PSTPIP1: variants seen among roughly 807,000 people sequenced by gnomAD.
The protein encoded by PSTPIP1 is proline-serine-threonine phosphatase-interacting protein 1.
Under a neutral mutation model 69.6 loss-of-function variants are expected in PSTPIP1, and 66 were observed. The ratio of observed to expected loss-of-function variants is 0.95; its 90% CI spans 0.78 to 1.16. The LOEUF (loss-of-function observed/expected upper bound fraction) is 1.16, where lower values mean the gene tolerates loss of function less well. Ranked by LOEUF, PSTPIP1 falls within the 50% of genes most tolerant of loss-of-function variation. The pLI is 0.00. For synonymous variants in PSTPIP1, 266 were observed against 222.7 expected, an observed-to-expected ratio of 1.19 and a Z score of -1.73; for missense variants, 603 against 557.4, an observed-to-expected ratio of 1.08 and a Z score of -0.82.
At chr15:77,016,143 CG>C (rs2076048111) in intron 1 of PSTPIP1, 1 of 440,638 alleles carries the variant, frequency 2.3e-6, no homozygotes, top group Non-Finnish European at 4.6e-6. Context: ...CCTGAGAGTC[CG>C]GATTCTTGTC....
intron 3 of PSTPIP1, among the ~76,000 whole-genome samples, chr15:77,022,012 G>A (rs2076170664): frequency 6.6e-6 from 1 of 152,258 alleles, no homozygotes. Flanking sequence ...TAGCCCCTCT[G>A]TGGTTACCAG....
At position 77,018,104 on chromosome 15, in the gene PSTPIP1, C is replaced by T. The variant is rs78947529; in HGVS notation, c.37-44C>T. ...GTCCCCACAGGGCTGTGCTCAGTGT[C>T]GCCTGGTCGTGGCCCTCATGTGTCC... On this transcript the variant is annotated intron_variant, in intron 1 of 14. Transcript: ENST00000558012. 1.4e-3 allele frequency: 2,225 copies of T among 1,537,818 alleles called. 53 individuals carry two copies. The East Asian group carries it at 0.046, about 32-fold the overall frequency.
chr15:77,009,413 C>T (rs572620087), intron 1 of PSTPIP1, among the ~76,000 whole-genome samples: 7 of 152,314 alleles, frequency 4.6e-5, no homozygotes, highest in East Asian at 3.9e-4. Context: ...AAATCACAGC[C>T]GCAAAGCAGG....
At chr15:77,033,868 G>A (rs370127747) in intron 12 of PSTPIP1, among the ~76,000 whole-genome samples, 1 of 152,152 alleles carries the variant, frequency 6.6e-6, no homozygotes, top group African/African-American at 2.4e-5. Flanking sequence ...GTGACCCCAG[G>A]AGGCAGCACA....
chr15:76,999,134 A>T (rs2075643771), intron 1 of PSTPIP1, among the ~76,000 whole-genome samples: 1 of 152,158 alleles, frequency 6.6e-6, no homozygotes, highest in African/African-American at 2.4e-5. Context: ...AGGTGGCCAA[A>T]TTATTGCAAG....
At chr15:77,034,053 G>GA (rs1568523854) in intron 12 of PSTPIP1, among the ~76,000 whole-genome samples, 2 of 152,186 alleles carry the variant, frequency 1.3e-5, no homozygotes, top group African/African-American at 4.8e-5. Context: ...GAGAGAGAGA[G>GA]ATGTCCTGCA....
intron 9 of PSTPIP1, 48 bp downstream of exon 9, chr15:77,030,629 G>T: frequency 6.5e-7 from 1 of 1,540,320 alleles, no homozygotes; most frequent in Non-Finnish European, 8.8e-7. Flanking sequence ...GGAAGTGTGA[G>T]ACGCCCATCC....
intron 9 of PSTPIP1, among the ~76,000 whole-genome samples, chr15:77,030,890 A>G (rs1226209083): frequency 6.6e-6 from 1 of 152,226 alleles, no homozygotes; most frequent in East Asian, 1.9e-4. Flanking sequence ...CCTGGGGAAC[A>G]GGGCTCAGGA....
In PSTPIP1 at chr15:77,016,127, A is replaced by G. The variant is rs1489499097; in HGVS notation, c.37-2021A>G. The G allele has an allele frequency of 6.7e-6, 3 of 446,426 alleles. No homozygotes were observed. The East Asian group carries it at 2.1e-4, about 31-fold the overall frequency. The allele number at this position is 446,426 out of a possible 1,614,324, so 27.7% of individuals were successfully genotyped here. On this transcript the variant is annotated intron_variant, in intron 1 of 14. Coordinates refer to ENST00000558012, the MANE Select transcript of PSTPIP1 (RefSeq NM_003978.5). The stretch of plus-strand genomic sequence containing the variant: ...TCCAGAGGTATCAGGAAGGAATGAC[A>G]GGTCCCCTGAGAGTCCGGATTCTTG...
chr15:77,029,659 C>CA, intron 8 of PSTPIP1, 85 bp downstream of exon 8: 1 of 1,398,516 alleles, frequency 7.2e-7, no homozygotes, highest in East Asian at 2.5e-5. Flanking sequence ...TGGGGACACA[C>CA]ACACTCCCCC....
chr15:77,027,696 G>T lies in PSTPIP1; in HGVS notation c.355-156G>T, dbSNP rs1404647986. 1.2e-6 allele frequency: 1 copy of T among 820,094 alleles called. No individual in the cohort carries two copies. The highest frequency in any genetic ancestry group is 2.0e-6 in the Non-Finnish European group (1 of 489,020). 50.8% of individuals were successfully genotyped at this position (820,094 alleles called of 1,614,324 possible). A position where few individuals can be genotyped will look rare whatever the true frequency, so the allele number is the denominator to read the frequency against. On this transcript the variant is annotated intron_variant, in intron 5 of 14. Coordinates refer to ENST00000558012, the MANE Select transcript of PSTPIP1 (RefSeq NM_003978.5). This position sits in a 1 kb window ranked among gnomAD's most constrained non-coding sequence, Gnocchi z 4.3. Reference sequence around the variant, plus strand: ...GGCCTTCCATTGTGAGGGTCACTGTGAAGCAGCAGGCTCTGGGGGAGGGAG... The same window carrying T: ...GGCCTTCCATTGTGAGGGTCACTGTTAAGCAGCAGGCTCTGGGGGAGGGAG...
At chr15:77,028,448 C>A in intron 6 of PSTPIP1, 106 bp from the exon 7 acceptor site, 1 of 997,016 alleles carries the variant, frequency 1.0e-6, no homozygotes, top group Non-Finnish European at 1.4e-6. Context: ...ACTCCACCCG[C>A]AACCCTCGCC....
chr15:77,028,579 GC>G lies in PSTPIP1; in HGVS notation c.445del (p.Arg149GlyfsTer76), dbSNP rs1441606629. On this transcript the variant is annotated frameshift_variant, in exon 7 of 15. Coordinates refer to ENST00000558012, the MANE Select transcript of PSTPIP1 (RefSeq NM_003978.5). LOFTEE classifies it high-confidence loss of function. ...TCCAAGAAGACATACGAGCAGAAGTGCCGGGACGCGGACGACGCGGAGCAGG... is the reference window on the plus strand; with the variant it reads ...TCCAAGAAGACATACGAGCAGAAGTGCGGGACGCGGACGACGCGGAGCAGG... Reference protein sequence around the residue: ...MESKKTYEQKCRDADDAEQAF... With the variant: ...MESKKTYEQKXRDADDAEQAF... 8.1e-6 allele frequency: 13 copies of G among 1,602,972 alleles called. No individual in the cohort carries two copies. Among genetic ancestry groups the G allele is most frequent in the Non-Finnish European group, 1.1e-5 (13 of 1,175,578 alleles).
In PSTPIP1 at chr15:77,031,240, A is replaced by G. The variant is rs763044457; in HGVS notation, c.703A>G (p.Ser235Gly). 1 of 1,613,108 alleles carries G rather than the reference A, an allele frequency of 6.2e-7. No homozygotes were observed. Among genetic ancestry groups the G allele is most frequent in the Non-Finnish European group, 8.5e-7 (1 of 1,179,650 alleles). ...TILRNALWVH[S>G]NQLSMQCVKD... ...TCTCCGCAACGCCCTGTGGGTGCAC[A>G]GCAACCAGCTCTCCATGCAGTGTGT... Residue 235 changes from serine to glycine, a missense_variant, in exon 10 of 15, where the codon AGC becomes GGC. Coordinates refer to ENST00000558012, the MANE Select transcript of PSTPIP1 (RefSeq NM_003978.5).
At chr15:76,996,634 C>T (rs2075586665) in intron 1 of PSTPIP1, among the ~76,000 whole-genome samples, 1 of 152,266 alleles carries the variant, frequency 6.6e-6, no homozygotes, top group Non-Finnish European at 1.5e-5. Flanking sequence ...GCCGGCTCCA[C>T]TTGGGGCCTG....
chr15:77,027,823 C>T lies in PSTPIP1; in HGVS notation c.355-29C>T. ...AGGGGAGCCTCCCGAGGCCGCGGCC[C>T]TCGGCTCAGAACCTCGTGTCCCCTG... On this transcript the variant is annotated intron_variant, in intron 5 of 14. Coordinates refer to ENST00000558012, the MANE Select transcript of PSTPIP1 (RefSeq NM_003978.5). This position sits in a 1 kb window ranked among gnomAD's most constrained non-coding sequence, Gnocchi z 4.3. 1.3e-6 allele frequency: 2 copies of T among 1,553,648 alleles called. No individual in the cohort carries two copies. Among genetic ancestry groups the T allele is most frequent in the Non-Finnish European group, 1.7e-6 (2 of 1,148,780 alleles).
chr15:77,021,005 C>T (rs1299031270), intron 3 of PSTPIP1, among the ~76,000 whole-genome samples: 4 of 152,180 alleles, frequency 2.6e-5, no homozygotes, highest in Non-Finnish European at 5.9e-5. Context: ...AGCTGCCCCC[C>T]AGGTCTATGG....
chr15:77,027,936 C>A lies in PSTPIP1; in HGVS notation c.417+22C>A, dbSNP rs1369464280. ...GGAGGTGAGCGCCAGGGCCTGGGGCCGCGGCCTTCCCTCGAGGAGCAGCGC... is the reference window on the plus strand; with the variant it reads ...GGAGGTGAGCGCCAGGGCCTGGGGCAGCGGCCTTCCCTCGAGGAGCAGCGC... On this transcript the variant is annotated intron_variant, in intron 6 of 14. Coordinates refer to ENST00000558012, the MANE Select transcript of PSTPIP1 (RefSeq NM_003978.5). This position sits in a 1 kb window ranked among gnomAD's most constrained non-coding sequence, Gnocchi z 4.3. The A allele has an allele frequency of 1.9e-6, 3 of 1,540,064 alleles. No individual in the cohort carries two copies. The highest frequency in any genetic ancestry group is 2.6e-6 in the Non-Finnish European group (3 of 1,136,768).
Position 77,027,707 on chromosome 15 carries a change from C to A in PSTPIP1, c.355-145C>A, listed in dbSNP as rs1259594541. On this transcript the variant is annotated intron_variant, in intron 5 of 14. Coordinates refer to ENST00000558012, the MANE Select transcript of PSTPIP1 (RefSeq NM_003978.5). This position sits in a 1 kb window ranked among gnomAD's most constrained non-coding sequence, Gnocchi z 4.3. ...GTGAGGGTCACTGTGAAGCAGCAGG[C>A]TCTGGGGGAGGGAGGGCAGCCTGTC... The A allele has an allele frequency of 1.1e-6, 1 of 890,408 alleles. No individual in the cohort carries two copies. Among genetic ancestry groups the A allele is most frequent in the Non-Finnish European group, 1.8e-6 (1 of 551,272 alleles). 55.2% of individuals were successfully genotyped at this position (890,408 alleles called of 1,614,324 possible).
Sources: allele counts gnomAD v4.1 joint callset (sites outside exome capture counted in the v4.1 genomes callset), GRCh38; gene constraint gnomAD v4.1.1; non-coding constraint Gnocchi (gnomAD v3.1); transcripts MANE v1.5; gene names NCBI Gene and HGNC (gene_info 2026-07-23, HGNC 2026-07-21).